Variants in KCNIP4 observed in about 807,000 individuals in gnomAD.
The protein encoded by KCNIP4 is Kv channel-interacting protein 4.
KCNIP4 carries 12 observed loss-of-function variants against 34.0 expected under a neutral mutation model. The ratio of observed to expected loss-of-function variants is 0.35; its 90% CI spans 0.23 to 0.57. KCNIP4 has a LOEUF of 0.57. Among genes scored for constraint, KCNIP4 ranks in the 20% least tolerant of loss-of-function variants. The probability of loss-of-function intolerance (pLI) is 0.83; values close to 1 mark genes in which losing one functional copy is unlikely to be tolerated. For missense variants in KCNIP4, 238 were observed against 311.7 expected (o/e 0.76, Z 1.78); for synonymous variants, 124 against 102.2 (o/e 1.21, Z -1.29).
intron 1 of KCNIP4, among the ~76,000 whole-genome samples, chr4:21,235,670 T>C: frequency 6.6e-6 from 1 of 152,160 alleles, no homozygotes; most frequent in Admixed American, 6.5e-5. Flanking sequence ...TGTCAGCTTA[T>C]TTGGTTAGTG....
intron 1 of KCNIP4, among the ~76,000 whole-genome samples, chr4:21,637,502 G>T (rs756815964): frequency 7.9e-5 from 12 of 152,106 alleles, no homozygotes; most frequent in Non-Finnish European, 1.3e-4. Flanking sequence ...AAACAGGCCA[G>T]GCGCGGTGGC....
intron 3 of KCNIP4, among the ~76,000 whole-genome samples, chr4:20,828,225 G>T (rs914921910): frequency 2.0e-5 from 3 of 152,104 alleles, no homozygotes; most frequent in African/African-American, 7.2e-5. Flanking sequence ...TCAGGAGATC[G>T]AGACTATCCT....
intron 1 of KCNIP4, among the ~76,000 whole-genome samples, chr4:21,664,141 GT>G (rs1306744626): frequency 1.3e-5 from 2 of 151,976 alleles, no homozygotes; most frequent in Non-Finnish European, 2.9e-5. Flanking sequence ...GTAGAGACAG[GT>G]TTCACCATGT....
chr4:21,762,995 A>G (rs1215497275), intron 1 of KCNIP4: 10 of 1,288,872 alleles, frequency 7.8e-6, no homozygotes, highest in Non-Finnish European at 1.0e-5. Context: ...CTTGTCAAGG[A>G]CAGCACTTGG....
intron 5 of KCNIP4, among the ~76,000 whole-genome samples, chr4:20,738,511 T>C (rs1334204440): frequency 6.6e-6 from 1 of 152,146 alleles, no homozygotes; most frequent in Non-Finnish European, 1.5e-5. Context: ...CTTCCAGGGA[T>C]CACACTTTGA....
intron 1 of KCNIP4, among the ~76,000 whole-genome samples, chr4:21,203,448 T>C (rs1033159247): frequency 6.6e-6 from 1 of 152,218 alleles, no homozygotes; most frequent in East Asian, 1.9e-4. Flanking sequence ...ATTCGTAATC[T>C]ACAAGGCAAC....
intron 1 of KCNIP4, among the ~76,000 whole-genome samples, chr4:21,499,330 CAAA>C (rs527385773): frequency 2.0e-5 from 2 of 98,252 alleles, no homozygotes; most frequent in Non-Finnish European, 2.0e-5. Flanking sequence ...GACTCCATCT[CAAA>C]AAAAAAAAAA....
At chr4:21,943,406 T>A (rs1043053180) in intron 1 of KCNIP4, among the ~76,000 whole-genome samples, 1 of 151,892 alleles carries the variant, frequency 6.6e-6, no homozygotes, top group African/African-American at 2.4e-5. Context: ...AAACAGGAGA[T>A]ATAGCTGGTT....
chr4:21,556,927 A>AAAAAAAAC, intron 1 of KCNIP4, among the ~76,000 whole-genome samples: 2 of 148,858 alleles, frequency 1.3e-5, no homozygotes, highest in African/African-American at 4.9e-5. Context: ...TCTCAGAAAA[A>AAAAAAAAC]AAAAAAAAAA....
intron 2 of KCNIP4, among the ~76,000 whole-genome samples, chr4:20,860,230 C>T (rs189168136): frequency 4.6e-5 from 7 of 152,038 alleles, no homozygotes; most frequent in Non-Finnish European, 7.4e-5. Context: ...AGCTCCGCCT[C>T]CCAGGTTAAA....
At chr4:21,136,341 A>T (rs1388191028) in intron 1 of KCNIP4, among the ~76,000 whole-genome samples, 2 of 152,190 alleles carry the variant, frequency 1.3e-5, no homozygotes, top group African/African-American at 4.8e-5. Context: ...TTAGCAAAGG[A>T]TAATTTTTAG....
rs888305129 is a variant in KCNIP4, at chr4:20,916,339, T to C, written c.62-33630A>G. ...AGTGTTTACCTCTTTGCAGTTGTTA[T>C]GGTGCACTTGCCTCATCCTGTAAAA... On this transcript the variant is annotated intron_variant, in intron 1 of 8. Coordinates refer to ENST00000382152, the MANE Select transcript of KCNIP4 (RefSeq NM_025221.6). 46 of 985,308 alleles carry C rather than the reference T, an allele frequency of 4.7e-5. No individual in the cohort carries two copies. In the Admixed American group the frequency reaches 6.8e-4, roughly 14 times the overall value. 61.0% of individuals were successfully genotyped at this position (985,308 alleles called of 1,614,324 possible). A position where few individuals can be genotyped will look rare whatever the true frequency, so the allele number is the denominator to read the frequency against.
intron 1 of KCNIP4, among the ~76,000 whole-genome samples, chr4:21,051,108 G>T (rs1393048759): frequency 6.6e-6 from 1 of 152,234 alleles, no homozygotes; most frequent in African/African-American, 2.4e-5. Flanking sequence ...TCCTTAAGGA[G>T]CTGAGCCCAT....
At chr4:21,397,871 A>G (rs1242286365) in intron 1 of KCNIP4, among the ~76,000 whole-genome samples, 1 of 143,960 alleles carries the variant, frequency 6.9e-6, no homozygotes, top group Non-Finnish European at 1.6e-5. Context: ...GATGGACTAT[A>G]TGATTAAAAT....
intron 1 of KCNIP4, chr4:21,304,073 G>GAGAGAGAGAGAGAGAGAGAGAGAC (rs1712114268): frequency 4.2e-6 from 1 of 235,454 alleles, no homozygotes; most frequent in Non-Finnish European, 6.1e-6. Context: ...GAGAGACAGA[G>GAGAGAGAGAGAGAGAGAGAGAGAC]AGAGAGAGAG....
chr4:21,028,282 C>T (rs1200558902), intron 1 of KCNIP4, among the ~76,000 whole-genome samples: 1 of 152,126 alleles, frequency 6.6e-6, no homozygotes, highest in East Asian at 1.9e-4. Context: ...CCACTGTAGT[C>T]TATTTTCAAA....
intron 1 of KCNIP4, among the ~76,000 whole-genome samples, chr4:20,905,529 T>TTTTTTTTTTTTTTA (rs1727662596): frequency 1.3e-5 from 2 of 148,310 alleles, no homozygotes; most frequent in African/African-American, 2.5e-5. Flanking sequence ...TTTTTTTGTT[T>TTTTTTTTTTTTTTA]GAGATGGAGT....
At chr4:21,788,766 C>G (rs780592676) in intron 1 of KCNIP4, among the ~76,000 whole-genome samples, 4 of 152,060 alleles carry the variant, frequency 2.6e-5, no homozygotes, top group Admixed American at 6.5e-5. Flanking sequence ...ATGCTTATGT[C>G]ATTGTCATTG....
rs371757392 is a variant in KCNIP4, at chr4:21,613,159, C to A, written c.61+335412G>T. Reference sequence around the variant, plus strand: ...ATTATGGTATACTGTTGCAATCATGCTCCCAACATGAGCCAGCCTCCTACA... The same window carrying A: ...ATTATGGTATACTGTTGCAATCATGATCCCAACATGAGCCAGCCTCCTACA... On this transcript the variant is annotated intron_variant, in intron 1 of 8. Coordinates refer to ENST00000382152, the MANE Select transcript of KCNIP4 (RefSeq NM_025221.6). 1.3e-3 allele frequency among the ~76,000 whole-genome samples: 199 copies of A among 152,286 alleles called. 7 individuals are homozygous for A. The South Asian group carries it at 0.035, about 27-fold the overall frequency.
Sources: allele counts gnomAD v4.1 joint callset (sites outside exome capture counted in the v4.1 genomes callset), GRCh38; gene constraint gnomAD v4.1.1; transcripts MANE v1.5; gene names NCBI Gene and HGNC (gene_info 2026-07-23, HGNC 2026-07-21).